WDR7: variants seen among roughly 807,000 people sequenced by gnomAD.
WDR7 encodes WD repeat domain 7, also known as WD repeat-containing protein 7.
A neutral mutation model predicts 169.4 loss-of-function variants in WDR7; 46 were observed. That is an observed-to-expected ratio of 0.27 (90% CI 0.21 to 0.35). The LOEUF (loss-of-function observed/expected upper bound fraction) is 0.35. Among genes scored for constraint, WDR7 ranks in the 10% least tolerant of loss-of-function variants. The pLI, the probability that WDR7 is intolerant of heterozygous loss-of-function variation, is 1.00. For missense variants in WDR7, 1,534 were observed against 1,859.3 expected, an observed-to-expected ratio of 0.83 and a Z score of 3.22; for synonymous variants, 612 against 666.8, an observed-to-expected ratio of 0.92 and a Z score of 1.27.
intron 20 of WDR7, among the ~76,000 whole-genome samples, chr18:56,836,023 G>T (rs1176086556): frequency 6.6e-6 from 1 of 152,118 alleles, no homozygotes; most frequent in African/African-American, 2.4e-5. Context: ...AAAGCTTTAT[G>T]AGTTTAGTTT....
chr18:56,774,673 T>C (rs2044214067), intron 16 of WDR7, among the ~76,000 whole-genome samples: 1 of 152,174 alleles, frequency 6.6e-6, no homozygotes, highest in Non-Finnish European at 1.5e-5. Context: ...ATTTTTCTTA[T>C]GTAGATAGTT....
At chr18:56,820,359 A>AAAAAAAAAAAAAAAAAAAAAAAAAAAAC (rs1044771844) in intron 20 of WDR7, among the ~76,000 whole-genome samples, 2 of 127,464 alleles carry the variant, frequency 1.6e-5, no homozygotes, top group African/African-American at 7.1e-5. Flanking sequence ...AAAAAAAAAA[A>AAAAAAAAAAAAAAAAAAAAAAAAAAAAC]AAAAACCACC....
chr18:56,989,633 A>T (rs2047781862), intron 26 of WDR7, among the ~76,000 whole-genome samples: 2 of 152,204 alleles, frequency 1.3e-5, no homozygotes, highest in Admixed American at 1.3e-4. Flanking sequence ...TTTAGGAAGA[A>T]TTTCTATCAA....
intron 20 of WDR7, among the ~76,000 whole-genome samples, chr18:56,879,285 C>T (rs1255933161): frequency 6.6e-6 from 1 of 152,144 alleles, no homozygotes; most frequent in Admixed American, 6.5e-5. Flanking sequence ...CTCAACAGCA[C>T]TGTAATGGTC....
At chr18:57,024,281 G>A (rs548560020) in intron 27 of WDR7, among the ~76,000 whole-genome samples, 6 of 152,156 alleles carry the variant, frequency 3.9e-5, no homozygotes, top group South Asian at 4.1e-4. Flanking sequence ...GTCCTTACTC[G>A]AGCATCGTTT....
chr18:56,786,982 T>C (rs2145096951), intron 19 of WDR7, among the ~76,000 whole-genome samples: 1 of 152,066 alleles, frequency 6.6e-6, no homozygotes, highest in East Asian at 2.0e-4. Flanking sequence ...GGGATTAATG[T>C]TATTTTCTGA....
chr18:56,674,787 A>G (rs944271233), intron 2 of WDR7, among the ~76,000 whole-genome samples: 2 of 152,058 alleles, frequency 1.3e-5, no homozygotes, highest in Non-Finnish European at 2.9e-5. Context: ...TTTTCCTAAG[A>G]ATTTTATATA....
intron 13 of WDR7, among the ~76,000 whole-genome samples, chr18:56,729,380 A>G (rs1444321837): frequency 3.3e-5 from 5 of 152,172 alleles, no homozygotes; most frequent in South Asian, 4.1e-4. Context: ...ATGAAGTTCT[A>G]TACTAATTCA....
intron 26 of WDR7, among the ~76,000 whole-genome samples, chr18:56,995,414 T>C (rs2047885286): frequency 6.6e-6 from 1 of 152,174 alleles, no homozygotes; most frequent in Non-Finnish European, 1.5e-5. Flanking sequence ...AAGGATCTGA[T>C]TGATAGTCAG....
chr18:56,776,067 A>G (rs1458484676), intron 16 of WDR7, among the ~76,000 whole-genome samples: 1 of 152,128 alleles, frequency 6.6e-6, no homozygotes, highest in Non-Finnish European at 1.5e-5. Context: ...TTAAGCTGAA[A>G]CATTTTCTTG....
Position 56,879,898 on chromosome 18 carries a change from GT to G in WDR7, c.3305-45del, listed in dbSNP as rs780268240. 5 of 1,463,572 alleles carry G rather than the reference GT, an allele frequency of 3.4e-6. No individual in the cohort carries two copies. In the South Asian group the frequency reaches 3.6e-5, roughly 10 times the overall value. 90.7% of individuals were successfully genotyped at this position (1,463,572 alleles called of 1,614,324 possible). Reference sequence around the variant, plus strand: ...TGTTTTTCTAATCATGTGTCTTTTTGTATATTGATTTGTTCTAAGTTGAGAT... The same window carrying G: ...TGTTTTTCTAATCATGTGTCTTTTTGATATTGATTTGTTCTAAGTTGAGAT... On this transcript the variant is annotated intron_variant, in intron 20 of 27. Transcript: ENST00000254442.
chr18:56,936,549 T>C (rs1417825397), intron 23 of WDR7, among the ~76,000 whole-genome samples: 1 of 152,210 alleles, frequency 6.6e-6, no homozygotes, highest in Non-Finnish European at 1.5e-5. Context: ...ATGGGCAGAC[T>C]CAGTGTCCAT....
downstream of WDR7, chr18:57,033,867 C>T (rs972707345): frequency 4.6e-5 from 7 of 151,930 alleles, no homozygotes; most frequent in Admixed American, 2.6e-4. Flanking sequence ...CCAGCCCCGG[C>T]TGAGGTGTGG....
intron 24 of WDR7, 123 bp downstream of exon 24, chr18:56,938,805 A>ATGTG: frequency 1.2e-5 from 7 of 594,770 alleles, no homozygotes; most frequent in South Asian, 1.9e-5. Flanking sequence ...GAGAGAAAGA[A>ATGTG]TGAGTGTGTG....
intron 11 of WDR7, among the ~76,000 whole-genome samples, chr18:56,695,458 A>C (rs1435763854): frequency 6.6e-6 from 1 of 152,100 alleles, no homozygotes; most frequent in Non-Finnish European, 1.5e-5. Context: ...TCTCTTAGTT[A>C]TCTCTATGGA....
intron 1 of WDR7, among the ~76,000 whole-genome samples, chr18:56,668,164 C>G (rs551864477): frequency 6.6e-6 from 1 of 152,164 alleles, no homozygotes; most frequent in Non-Finnish European, 1.5e-5. Context: ...CCTTTGCTGT[C>G]AAATTAAAGT....
At chr18:56,949,183 T>A (rs1371065613) in intron 25 of WDR7, among the ~76,000 whole-genome samples, 1 of 151,644 alleles carries the variant, frequency 6.6e-6, no homozygotes. Context: ...CAATCTTTGA[T>A]TACGAAATGC....
chr18:56,726,279 T>C (rs1365444508), intron 13 of WDR7, among the ~76,000 whole-genome samples: 2 of 152,318 alleles, frequency 1.3e-5, no homozygotes, highest in East Asian at 1.9e-4. Flanking sequence ...TCTTCCTATC[T>C]ATGAGCATGG....
chr18:56,672,738 T>C (rs1345851323), intron 2 of WDR7, 64 bp downstream of exon 2: 14 of 1,426,760 alleles, frequency 9.8e-6, no homozygotes, highest in Non-Finnish European at 1.3e-5. Flanking sequence ...GAAGATAATA[T>C]AGTCCCCAAA....
Sources: allele counts gnomAD v4.1 joint callset (sites outside exome capture counted in the v4.1 genomes callset), GRCh38; gene constraint gnomAD v4.1.1; transcripts MANE v1.5; gene names NCBI Gene and HGNC (gene_info 2026-07-23, HGNC 2026-07-21).